NAA11: variants seen among roughly 807,000 people sequenced by gnomAD.
NAA11 encodes N-alpha-acetyltransferase 11.
In NAA11, 15 loss-of-function variants were observed where a neutral mutation model predicts 16.1. The ratio of observed to expected loss-of-function variants is 0.93; its 90% confidence interval spans 0.62 to 1.44. The LOEUF is 1.44. Ranked by LOEUF, NAA11 falls within the 40% of genes most tolerant of loss-of-function variation. NAA11 has a pLI of 0.00. For synonymous variants in NAA11, 122 were observed against 112.4 expected (o/e 1.09, Z -0.54); for missense variants, 298 against 291.3 (o/e 1.02, Z -0.17).
the NAA11 span, among the ~76,000 whole-genome samples, chr4:79,207,490 A>T: frequency 6.6e-6 from 1 of 152,048 alleles, no homozygotes; most frequent in Non-Finnish European, 1.5e-5. Flanking sequence ...ATGCAAGCAC[A>T]CAGCAAGAAG....
At chr4:79,233,416 T>G (rs1470690717) in intron 2 of NAA11, among the ~76,000 whole-genome samples, 1 of 151,988 alleles carries the variant, frequency 6.6e-6, no homozygotes, top group African/African-American at 2.4e-5. Context: ...ATTTTACTCA[T>G]TTTTTTAAAA....
At chr4:79,192,208 A>G in the NAA11 span, among the ~76,000 whole-genome samples, 1 of 151,544 alleles carries the variant, frequency 6.6e-6, no homozygotes, top group Non-Finnish European at 1.5e-5. Context: ...GTTTTTTTCT[A>G]GCTCTGGGAA....
chr4:79,324,556 G>A (rs1383289554), intron 1 of NAA11, among the ~76,000 whole-genome samples: 1 of 152,174 alleles, frequency 6.6e-6, no homozygotes, highest in Non-Finnish European at 1.5e-5. Context: ...TCATGGTATA[G>A]TTTAACAAGT....
At chr4:79,240,537 T>A (rs1220689375) in intron 2 of NAA11, among the ~76,000 whole-genome samples, 1 of 152,178 alleles carries the variant, frequency 6.6e-6, no homozygotes, top group African/African-American at 2.4e-5. Flanking sequence ...TTGCTTCCTG[T>A]CCTGCAACTT....
chr4:79,257,453 A>T (rs1001691214), intron 2 of NAA11, among the ~76,000 whole-genome samples: 4 of 152,078 alleles, frequency 2.6e-5, no homozygotes, highest in Middle Eastern at 6.8e-3. Context: ...TGTTGCTTTT[A>T]GTTTAGTATT....
At chr4:79,251,678 A>G (rs892661759) in intron 2 of NAA11, among the ~76,000 whole-genome samples, 1 of 152,196 alleles carries the variant, frequency 6.6e-6, no homozygotes, top group Non-Finnish European at 1.5e-5. Context: ...CTAAAAAAAA[A>G]TAATAATAAA....
chr4:79,165,761 T>C, the NAA11 span, among the ~76,000 whole-genome samples: 1 of 152,226 alleles, frequency 6.6e-6, no homozygotes, highest in Non-Finnish European at 1.5e-5. Context: ...AAGGTTTTTA[T>C]TTTACAATCC....
downstream of NAA11, among the ~76,000 whole-genome samples, chr4:79,315,674 T>C (rs1723906341): frequency 6.6e-6 from 1 of 151,760 alleles, no homozygotes; most frequent in Non-Finnish European, 1.5e-5. Context: ...AAAAAGTCCC[T>C]TCAGAATTAA....
chr4:79,176,749 TAAAC>T, the NAA11 span, among the ~76,000 whole-genome samples: 1 of 152,194 alleles, frequency 6.6e-6, no homozygotes. Context: ...TAATGTTAAA[TAAAC>T]AACACCCATA....
At chr4:79,231,331 G>C (rs1721458538) in intron 2 of NAA11, among the ~76,000 whole-genome samples, 1 of 151,888 alleles carries the variant, frequency 6.6e-6, no homozygotes, top group African/African-American at 2.4e-5. Flanking sequence ...AGTGGAAGAG[G>C]TACTGGATTG....
chr4:79,254,619 A>C (rs558627606), intron 2 of NAA11, among the ~76,000 whole-genome samples: 2 of 151,012 alleles, frequency 1.3e-5, no homozygotes, highest in Non-Finnish European at 3.0e-5. Context: ...TGGGAACTTA[A>C]ATATTTAAAA....
chr4:79,243,205 C>G (rs1258751360), intron 2 of NAA11, among the ~76,000 whole-genome samples: 1 of 152,142 alleles, frequency 6.6e-6, no homozygotes, highest in Non-Finnish European at 1.5e-5. Flanking sequence ...GACCTCAGGA[C>G]CCTTTCACTG....
chr4:79,204,949 A>ACACACACACC, the NAA11 span, among the ~76,000 whole-genome samples: 2 of 151,516 alleles, frequency 1.3e-5, no homozygotes, highest in African/African-American at 4.9e-5. Flanking sequence ...ACACACACAC[A>ACACACACACC]CACACACATT....
the NAA11 span, among the ~76,000 whole-genome samples, chr4:79,187,760 G>T: frequency 6.6e-6 from 1 of 152,048 alleles, no homozygotes; most frequent in Non-Finnish European, 1.5e-5. Flanking sequence ...ACTTTGGGAG[G>T]CCGAGGCGGG....
the NAA11 span, among the ~76,000 whole-genome samples, chr4:79,196,562 G>A: frequency 1.3e-5 from 2 of 151,824 alleles, no homozygotes; most frequent in Non-Finnish European, 2.9e-5. Context: ...GCTAGTTGTA[G>A]GACTCAAACT....
intron 2 of NAA11, among the ~76,000 whole-genome samples, chr4:79,290,447 C>T (rs1014439822): frequency 2.6e-5 from 4 of 152,140 alleles, no homozygotes; most frequent in Non-Finnish European, 5.9e-5. Context: ...TTATCCTTTC[C>T]TCTCCCTCTG....
chr4:79,226,989 C>A (rs1297346780), intron 2 of NAA11, among the ~76,000 whole-genome samples: 1 of 152,048 alleles, frequency 6.6e-6, no homozygotes, highest in Non-Finnish European at 1.5e-5. Context: ...TTCTAGATCC[C>A]TGAGGAATCG....
intron 2 of NAA11, among the ~76,000 whole-genome samples, chr4:79,267,723 G>C (rs1722384960): frequency 6.6e-6 from 1 of 152,114 alleles, no homozygotes; most frequent in Non-Finnish European, 1.5e-5. Flanking sequence ...ACCACAGGTA[G>C]AGTTTATTTC....
At chr4:79,218,645 C>T in the NAA11 span, among the ~76,000 whole-genome samples, 1 of 151,918 alleles carries the variant, frequency 6.6e-6, no homozygotes, top group Non-Finnish European at 1.5e-5. Flanking sequence ...TTATCCCAAC[C>T]TCAATTCCGC....
Sources: allele counts gnomAD v4.1 joint callset (sites outside exome capture counted in the v4.1 genomes callset), GRCh38; gene constraint gnomAD v4.1.1; transcripts MANE v1.5; gene names NCBI Gene and HGNC (gene_info 2026-07-23, HGNC 2026-07-21).